The following HHIPL1 variants were observed in gnomAD, a reference collection of about 807,000 sequenced individuals.
HHIPL1 encodes HHIP like 1.
A neutral mutation model predicts 61.8 loss-of-function variants in HHIPL1; 43 were observed. The observed-to-expected ratio is 0.70, with a 90% CI of 0.55 to 0.90. The LOEUF is 0.90. Ranked by LOEUF, HHIPL1 falls within the 40% of genes least tolerant of loss-of-function variation. HHIPL1 has a pLI of 0.00. For synonymous variants in HHIPL1, 482 were observed against 515.8 expected, an observed-to-expected ratio of 0.93 and a Z score of 0.89; for missense variants, 1,056 against 1,157.7, an observed-to-expected ratio of 0.91 and a Z score of 1.28.
At chr14:99,630,992 G>A in the HHIPL1 span, among the ~76,000 whole-genome samples, 1 of 152,048 alleles carries the variant, frequency 6.6e-6, no homozygotes, top group African/African-American at 2.4e-5. Flanking sequence ...AATCCTACTG[G>A]ATAAGGATGC....
chr14:99,637,570 T>C, the HHIPL1 span, among the ~76,000 whole-genome samples: 2 of 147,834 alleles, frequency 1.4e-5, no homozygotes, highest in African/African-American at 5.1e-5. Context: ...AGACTCCGTC[T>C]CAAAAAAAAA....
rs149981798 is a variant in HHIPL1 at position 99,654,069 on chromosome 14, A to G, written c.902+1199A>G. ...CTGGGTGTGGTAGTGGTTATCTGTA[A>G]TCCCAGCTACCCGGGAGGCTGAGGC... On this transcript the variant is annotated intron_variant, in intron 2 of 8. Transcript: ENST00000330710. Among the ~76,000 whole-genome samples, 240 of 151,884 alleles carry G rather than the reference A, an allele frequency of 1.6e-3. 2 individuals are homozygous for G. The highest frequency in any genetic ancestry group is 5.6e-3 in the African/African-American group (231 of 41,422).
chr14:99,672,539 G>A, intron 8 of HHIPL1, 140 bp downstream of exon 8: 1 of 681,956 alleles, frequency 1.5e-6, no homozygotes. Context: ...ACTGTGCCTG[G>A]CACACATTAG....
the HHIPL1 span, among the ~76,000 whole-genome samples, chr14:99,639,513 GT>G: frequency 6.6e-6 from 1 of 151,748 alleles, no homozygotes; most frequent in African/African-American, 2.4e-5. Flanking sequence ...CCCAGCTAAT[GT>G]TTTTGGATTT....
chr14:99,672,890 C>T (rs761506960), intron 8 of HHIPL1, among the ~76,000 whole-genome samples: 5 of 152,166 alleles, frequency 3.3e-5, no homozygotes, highest in Non-Finnish European at 5.9e-5. Context: ...TAGGTGGGAA[C>T]AAAGACCCTG....
At position 99,668,354 on chromosome 14, in the gene HHIPL1, T is replaced by A; in HGVS notation, c.1730+51T>A. 1 of 1,102,844 alleles carries A rather than the reference T, an allele frequency of 9.1e-7. No individual in the cohort carries two copies. Among genetic ancestry groups the A allele is most frequent in the South Asian group, 1.2e-5 (1 of 80,886 alleles). The allele number at this position is 1,102,844 out of a possible 1,614,324, so 68.3% of individuals were successfully genotyped here. A position where few individuals can be genotyped will look rare whatever the true frequency, so the allele number is the denominator to read the frequency against. On this transcript the variant is annotated intron_variant, in intron 7 of 8. Coordinates refer to ENST00000330710, the MANE Select transcript of HHIPL1 (RefSeq NM_001127258.3). The surrounding 1 kb of genome is among the most constrained non-coding windows in gnomAD (Gnocchi z 4.7). ...AGCTCCTGCTGTCTGTCAGGCCTCT[T>A]AGCTCCACGGGCTTGTCCCCTCCGC...
upstream of HHIPL1, among the ~76,000 whole-genome samples, chr14:99,640,876 TC>T (rs2055741502): frequency 1.0e-4 from 14 of 139,262 alleles, no homozygotes; most frequent in African/African-American, 3.7e-4. Context: ...TACTTCTTCT[TC>T]TTTTTTTTTT....
At chr14:99,639,942 G>A in the HHIPL1 span, among the ~76,000 whole-genome samples, 3 of 152,194 alleles carry the variant, frequency 2.0e-5, no homozygotes, top group African/African-American at 7.2e-5. Context: ...TTACAGACGT[G>A]AGCCACCATG....
chr14:99,624,056 G>T, the HHIPL1 span, among the ~76,000 whole-genome samples: 1 of 152,222 alleles, frequency 6.6e-6, no homozygotes, highest in African/African-American at 2.4e-5. Context: ...GAGCCCACAA[G>T]GCAGCCAGGC....
rs1458116846 is a variant in HHIPL1 at position 99,676,705 on chromosome 14, T to G, written c.*1079T>G. 2.0e-5 allele frequency: 3 copies of G among 152,242 alleles called. No homozygotes were observed. The highest frequency in any genetic ancestry group is 4.4e-5 in the Non-Finnish European group (3 of 68,064). The allele number at this position is 152,242 out of a possible 1,614,324, so 9.4% of individuals were successfully genotyped here. The stretch of plus-strand genomic sequence containing the variant: ...CTGCCTCCTCTCTGACCTGCACCTG[T>G]GTGGGAGCCGGGGTGGGAACCAGGA... On this transcript the variant is annotated 3_prime_UTR_variant, in exon 9 of 9. Coordinates refer to ENST00000330710, the MANE Select transcript of HHIPL1 (RefSeq NM_001127258.3).
chr14:99,645,026 C>G, upstream of HHIPL1: 1 of 461,410 alleles, frequency 2.2e-6, no homozygotes, highest in Admixed American at 4.5e-5. Flanking sequence ...GCGCCGCGTC[C>G]CTCTTCCTTC....
chr14:99,645,414 C>A lies in HHIPL1; in HGVS notation c.207C>A (p.Ala69=). ...GGGCCCTGGCGAGCCGCGTGGACGC[C>A]GCCGAGTGGGCCGCGTGCGCCGGCT... The part of the protein sequence containing the change: ...RFWALASRVD[A]AEWAACAGYA... The change falls in exon 1 of 9, where the codon GCC becomes GCA. Residue 69 remains alanine, a synonymous_variant. Coordinates refer to ENST00000330710, the MANE Select transcript of HHIPL1 (RefSeq NM_001127258.3). The A allele has an allele frequency of 7.2e-7, 1 of 1,390,490 alleles. No homozygotes were observed. Among genetic ancestry groups the A allele is most frequent in the South Asian group, 1.6e-5 (1 of 62,084 alleles). The allele number at this position is 1,390,490 out of a possible 1,614,324, so 86.1% of individuals were successfully genotyped here.
the HHIPL1 span, among the ~76,000 whole-genome samples, chr14:99,631,091 T>TCTTC: frequency 6.2e-5 from 9 of 146,166 alleles, no homozygotes; most frequent in Non-Finnish European, 1.1e-4. Context: ...TTTCTTTCTT[T>TCTTC]CTTTCTTTCT....
chr14:99,634,746 T>G, the HHIPL1 span, among the ~76,000 whole-genome samples: 4 of 152,108 alleles, frequency 2.6e-5, no homozygotes, highest in Non-Finnish European at 5.9e-5. Context: ...CCCAGGACCA[T>G]CTAGCTGGGG....
Position 99,646,775 on chromosome 14 carries a change from A to G in HHIPL1, c.255+1313A>G, listed in dbSNP as rs543742160. On this transcript the variant is annotated intron_variant, in intron 1 of 8. Transcript: ENST00000330710. ...GGCAACAGAGCAAGACTCCGTCTCA[A>G]AAATATAATATAATATAATATGATA... Among the ~76,000 whole-genome samples the G allele has an allele frequency of 1.2e-3, 146 of 125,254 alleles. 1 individual carries two copies. The highest frequency in any genetic ancestry group is 4.9e-3 in the African/African-American group (138 of 27,908). The allele number at this position is 125,254 out of a possible 152,430, so 82.2% of individuals were successfully genotyped here.
chr14:99,678,804 G>A lies in HHIPL1; in HGVS notation c.*3178G>A, dbSNP rs1308775302. On this transcript the variant is annotated 3_prime_UTR_variant, in exon 9 of 9. Coordinates refer to ENST00000330710, the MANE Select transcript of HHIPL1 (RefSeq NM_001127258.3). ...CACGTCTAACAGTTACATAGAATAGGGCTTGACAAAGAGTTATTAGCATAA... is the reference window on the plus strand; with the variant it reads ...CACGTCTAACAGTTACATAGAATAGAGCTTGACAAAGAGTTATTAGCATAA... 6.6e-6 allele frequency: 1 copy of A among 152,194 alleles called. No homozygotes were observed. Among genetic ancestry groups the A allele is most frequent in the African/African-American group, 2.4e-5 (1 of 41,458 alleles). The allele number at this position is 152,194 out of a possible 1,614,324, so 9.4% of individuals were successfully genotyped here.
chr14:99,622,371 C>A, the HHIPL1 span, among the ~76,000 whole-genome samples: 1 of 152,176 alleles, frequency 6.6e-6, no homozygotes, highest in African/African-American at 2.4e-5. Context: ...TCCAGAGAGT[C>A]GTGGCCTCCC....
At chr14:99,626,290 G>GTATA in the HHIPL1 span, among the ~76,000 whole-genome samples, 326 of 152,208 alleles carry the variant, frequency 2.1e-3, 1 homozygote, top group African/African-American at 7.5e-3. Context: ...GTGTGTGTGT[G>GTATA]TATGCATGTG....
intron 2 of HHIPL1, among the ~76,000 whole-genome samples, chr14:99,654,817 G>T (rs748866930): frequency 3.9e-5 from 6 of 152,210 alleles, no homozygotes; most frequent in Non-Finnish European, 7.3e-5. Context: ...TGTACAGCCA[G>T]TTCTCCAAGA....
Sources: gnomAD v4.1 joint callset for allele counts (sites outside exome capture counted in the v4.1 genomes callset) on GRCh38, gnomAD v4.1.1 for gene constraint, Gnocchi (gnomAD v3.1) non-coding constraint, MANE v1.5 for transcripts, NCBI Gene and HGNC (gene_info 2026-07-23, HGNC 2026-07-21) for gene names.